The following C8orf34 variants were observed in gnomAD, a reference collection of about 807,000 sequenced individuals.
C8orf34 encodes chromosome 8 open reading frame 34.
C8orf34 carries 65 observed loss-of-function variants against 68.3 expected under a neutral mutation model. The ratio of observed to expected loss-of-function variants is 0.95; its 90% CI spans 0.78 to 1.17. C8orf34 has a LOEUF of 1.17. Among genes scored for constraint, C8orf34 ranks in the 50% most tolerant of loss-of-function variants. C8orf34 has a pLI of 0.00. For missense variants in C8orf34, 664 were observed against 655.4 expected (o/e 1.01, Z -0.14); for synonymous variants, 244 against 241.2 (o/e 1.01, Z -0.11).
At chr8:68,334,659 T>A (rs1327951449) in intron 1 of C8orf34, among the ~76,000 whole-genome samples, 2 of 152,078 alleles carry the variant, frequency 1.3e-5, no homozygotes, top group Non-Finnish European at 1.5e-5. Context: ...CACCATGGAA[T>A]TTTTAAATTT....
intron 7 of C8orf34, chr8:68,535,691 T>G: frequency 1.3e-6 from 1 of 786,256 alleles, no homozygotes. Context: ...GAAAATATTA[T>G]AGTACAACAC....
rs752391713 is a variant in C8orf34 at position 68,387,589 on chromosome 8, C to CT, written c.328-51910_328-51909insT. On this transcript the variant is annotated intron_variant, in intron 1 of 13. Transcript: ENST00000518698. Reference sequence around the variant, plus strand: ...GGATGATAGAGTCATGAATAGACACCAAGTTCCTAAGGAAGAAGATACAGA... The same window carrying CT: ...GGATGATAGAGTCATGAATAGACACCTAAGTTCCTAAGGAAGAAGATACAGA... Among the ~76,000 whole-genome samples the CT allele has an allele frequency of 4.7e-4, 72 of 152,088 alleles. 1 individual carries two copies. The Middle Eastern group carries it at 0.024, about 50-fold the overall frequency.
intron 8 of C8orf34, 128 bp downstream of exon 8, chr8:68,640,639 T>C (rs1818978701): frequency 3.2e-6 from 3 of 940,886 alleles, no homozygotes; most frequent in Non-Finnish European, 3.1e-6. Flanking sequence ...TTTGTGCTAA[T>C]ATTGGCAAGG....
intron 10 of C8orf34, among the ~76,000 whole-genome samples, chr8:68,758,851 A>C (rs1414472606): frequency 6.6e-6 from 1 of 151,968 alleles, no homozygotes; most frequent in Non-Finnish European, 1.5e-5. Flanking sequence ...ACTTTCCTCA[A>C]TGGATAAAAA....
At chr8:68,707,589 T>G (rs1335660724) in intron 8 of C8orf34, among the ~76,000 whole-genome samples, 7 of 152,136 alleles carry the variant, frequency 4.6e-5, no homozygotes, top group Non-Finnish European at 1.0e-4. Flanking sequence ...AATTTACTTT[T>G]TTTAGAGACA....
chr8:68,810,515 C>T (rs1824615158), intron 12 of C8orf34, among the ~76,000 whole-genome samples: 1 of 152,176 alleles, frequency 6.6e-6, no homozygotes, highest in Admixed American at 6.5e-5. Context: ...CTCTTCTCTA[C>T]TTCTCGTAGC....
At chr8:68,686,733 T>C (rs933534034) in intron 8 of C8orf34, among the ~76,000 whole-genome samples, 82 of 152,164 alleles carry the variant, frequency 5.4e-4, no homozygotes, top group African/African-American at 1.4e-3. Context: ...GATGTCCACT[T>C]TCACCACTTC....
At chr8:68,807,843 T>C (rs950554934) in intron 12 of C8orf34, among the ~76,000 whole-genome samples, 3 of 152,252 alleles carry the variant, frequency 2.0e-5, no homozygotes, top group Non-Finnish European at 4.4e-5. Context: ...AAAAAGATTT[T>C]AAGTTGGGCT....
chr8:68,369,025 G>T (rs949134301), intron 1 of C8orf34, among the ~76,000 whole-genome samples: 3 of 152,118 alleles, frequency 2.0e-5, no homozygotes, highest in Admixed American at 6.6e-5. Context: ...ATTTTAGAGC[G>T]CTTTGCCTCT....
rs563659693 is a variant in C8orf34, at chr8:68,816,969, C to T, written c.1609+1024C>T. ...AGGTACACAACTATCACGTGGTTCT[C>T]TTCCTCAGCCCATCAAGTGTGCTTT... is the stretch of plus-strand genomic sequence containing the variant. On this transcript the variant is annotated intron_variant, in intron 13 of 13. Transcript: ENST00000518698. Among the ~76,000 whole-genome samples, 129 of 152,302 alleles carry T rather than the reference C, an allele frequency of 8.5e-4. 2 individuals are homozygous for T. The highest frequency in any genetic ancestry group is 3.4e-3 in the Middle Eastern group (1 of 294).
At chr8:68,735,670 A>G (rs1822102657) in intron 10 of C8orf34, among the ~76,000 whole-genome samples, 1 of 152,170 alleles carries the variant, frequency 6.6e-6, no homozygotes, top group South Asian at 2.1e-4. Flanking sequence ...AAGTGTGTCT[A>G]ACTTGAGAAA....
chr8:68,525,067 A>G (rs1289619002), intron 6 of C8orf34, among the ~76,000 whole-genome samples: 1 of 152,222 alleles, frequency 6.6e-6, no homozygotes, highest in Non-Finnish European at 1.5e-5. Context: ...GAAATATTAA[A>G]ATAAGAGCTA....
At chr8:68,607,825 G>A (rs1385677261) in intron 7 of C8orf34, among the ~76,000 whole-genome samples, 1 of 152,080 alleles carries the variant, frequency 6.6e-6, no homozygotes, top group East Asian at 1.9e-4. Context: ...TTAGAAGGTA[G>A]CATATGTGTG....
intron 7 of C8orf34, among the ~76,000 whole-genome samples, chr8:68,609,573 G>A (rs918912305): frequency 3.9e-5 from 6 of 152,144 alleles, no homozygotes; most frequent in Middle Eastern, 3.2e-3. Flanking sequence ...TGGAGTCTGA[G>A]TAGTCTCATT....
intron 7 of C8orf34, among the ~76,000 whole-genome samples, chr8:68,587,894 T>A (rs77646490): frequency 0.024 from 3,587 of 152,232 alleles, 46 homozygotes; most frequent in Middle Eastern, 0.061. Context: ...CAGATGTGAA[T>A]GCAGTCTCAG....
chr8:68,569,245 A>T (rs965763630), intron 7 of C8orf34, among the ~76,000 whole-genome samples: 15 of 152,234 alleles, frequency 9.9e-5, no homozygotes, highest in Admixed American at 9.8e-4. Flanking sequence ...TGTGATACAG[A>T]ATAAAGGATT....
At chr8:68,430,647 G>A (rs549560622) in intron 1 of C8orf34, among the ~76,000 whole-genome samples, 5 of 152,058 alleles carry the variant, frequency 3.3e-5, no homozygotes, top group Non-Finnish European at 7.4e-5. Context: ...AGCAAAAAAC[G>A]TGACCACCGT....
At chr8:68,497,531 A>G (rs1813577588) in intron 5 of C8orf34, among the ~76,000 whole-genome samples, 1 of 152,214 alleles carries the variant, frequency 6.6e-6, no homozygotes, top group South Asian at 2.1e-4. Flanking sequence ...AAGACACACT[A>G]GCAAAAATAC....
At chr8:68,754,610 C>T (rs1045881954) in intron 10 of C8orf34, among the ~76,000 whole-genome samples, 3 of 152,196 alleles carry the variant, frequency 2.0e-5, no homozygotes, top group African/African-American at 7.2e-5. Flanking sequence ...AGTGAATTAA[C>T]GTCTGAGCTA....
Sources: gnomAD v4.1 joint callset for allele counts (sites outside exome capture counted in the v4.1 genomes callset) on GRCh38, gnomAD v4.1.1 for gene constraint, MANE v1.5 for transcripts, NCBI Gene and HGNC (gene_info 2026-07-23, HGNC 2026-07-21) for gene names.